The following IDUA variants were observed in gnomAD, a reference collection of about 807,000 sequenced individuals.
The protein encoded by IDUA is iduronidase alpha-L-.
In IDUA, 65 loss-of-function variants were observed where a neutral mutation model predicts 68.9. That is an observed-to-expected ratio of 0.94 (90% CI 0.77 to 1.16). IDUA has a LOEUF of 1.16. Ranked by LOEUF, IDUA falls within the 50% of genes most tolerant of loss-of-function variation. The pLI is 0.00. For missense variants in IDUA, 1,046 were observed against 938.0 expected (o/e 1.12, Z -1.50); for synonymous variants, 529 against 433.6 (o/e 1.22, Z -2.73).
Position 987,259 on chromosome 4 carries a change from C to T in IDUA, c.158+17C>T. 2 of 1,514,066 alleles carry T rather than the reference C, an allele frequency of 1.3e-6. No homozygotes were observed. Among genetic ancestry groups the T allele is most frequent in the Non-Finnish European group, 1.8e-6 (2 of 1,137,912 alleles). 93.8% of individuals were successfully genotyped at this position (1,514,066 alleles called of 1,614,324 possible). A position where few individuals can be genotyped will look rare whatever the true frequency, so the allele number is the denominator to read the frequency against. On this transcript the variant is annotated intron_variant, in intron 1 of 13. Coordinates refer to ENST00000514224, the MANE Select transcript of IDUA (RefSeq NM_000203.5). ...AGGCTTCTGGTGAGCGCTCCGCGGC[C>T]TCCGGGACCCCCTGGCCGCACGGGG...
intron 2 of IDUA, chr4:990,249 G>A (rs370473210): frequency 1.3e-6 from 2 of 1,587,446 alleles, no homozygotes; most frequent in Non-Finnish European, 1.7e-6. Context: ...CGCCCAGCAG[G>A]TGTTTGAGCT....
rs1715120665 is a variant in IDUA, at chr4:1,002,090, G to C, written c.901G>C (p.Asp301His). ...ADTPIYNDEA[D>H]PLVGWSLPQP... ...CACCCCCATTTACAACGACGAGGCGGACCCGCTGGTGGGCTGGTCCCTGCC... is the reference window on the plus strand; with the variant it reads ...CACCCCCATTTACAACGACGAGGCGCACCCGCTGGTGGGCTGGTCCCTGCC... Residue 301 changes from aspartate to histidine, a missense_variant, in exon 7 of 14, where the codon GAC becomes CAC. Asp to His is a moderately conservative substitution (Grantham distance 81). Coordinates refer to ENST00000514224, the MANE Select transcript of IDUA (RefSeq NM_000203.5). 1 of 1,578,372 alleles carries C rather than the reference G, an allele frequency of 6.3e-7. No individual in the cohort carries two copies. Among genetic ancestry groups the C allele is most frequent in the Admixed American group, 1.9e-5 (1 of 53,914 alleles).
intron 1 of IDUA, 182 bp from the exon 2 acceptor site, chr4:987,627 C>T (rs564451958): frequency 8.2e-5 from 118 of 1,443,986 alleles, no homozygotes; most frequent in Middle Eastern, 2.5e-4. Context: ...CTGCTGCTGC[C>T]GTTCCCCATG....
At chr4:992,468 C>T (rs201742525) in intron 2 of IDUA, among the ~76,000 whole-genome samples, 6 of 152,224 alleles carry the variant, frequency 3.9e-5, no homozygotes, top group Non-Finnish European at 2.9e-5. Flanking sequence ...CTAGCCCATC[C>T]GCCTGGACTT....
intron 4 of IDUA, chr4:1,001,203 C>T (rs1356486649): frequency 4.9e-6 from 3 of 614,562 alleles, no homozygotes; most frequent in South Asian, 3.9e-5. Flanking sequence ...GGTGGGTGGG[C>T]GAAGGCCCTG....
At chr4:995,373 C>A (rs974974121) in intron 2 of IDUA, among the ~76,000 whole-genome samples, 1 of 152,024 alleles carries the variant, frequency 6.6e-6, no homozygotes, top group Non-Finnish European at 1.5e-5. Context: ...AAAAAAATTC[C>A]TTGGGAGCCT....
chr4:989,760 G>A lies in IDUA; in HGVS notation c.299+1811G>A, dbSNP rs771840183. 42 of 1,559,070 alleles carry A rather than the reference G, an allele frequency of 2.7e-5. No homozygotes were observed. The highest frequency in any genetic ancestry group is 1.2e-4 in the African/African-American group (9 of 73,718). ...TCTTGGCCAGGGCGGCGCTGGTGGC[G>A]AAGCAGTGGAGGAAGGCGGGTAGCA... On this transcript the variant is annotated intron_variant, in intron 2 of 13. Coordinates refer to ENST00000514224, the MANE Select transcript of IDUA (RefSeq NM_000203.5).
At chr4:1,001,230 G>GT (rs1715053584) in intron 4 of IDUA, 1 of 622,844 alleles carries the variant, frequency 1.6e-6, no homozygotes. Flanking sequence ...TGGGGTGGGG[G>GT]GTACTCCTGG....
At chr4:990,209 T>C in intron 2 of IDUA, 1 of 1,563,416 alleles carries the variant, frequency 6.4e-7, no homozygotes, top group Non-Finnish European at 8.7e-7. Flanking sequence ...AGGACCACCA[T>C]GCCGGGCCCC....
At chr4:990,995 C>G (rs1714252652) in intron 2 of IDUA, 1 of 956,094 alleles carries the variant, frequency 1.0e-6, no homozygotes, top group Admixed American at 3.1e-5. Context: ...CCAGCTCTGC[C>G]CAAGCCTTGC....
chr4:1,002,928 G>A lies in IDUA; in HGVS notation c.1386G>A (p.Gly462=), dbSNP rs2153022680. Residue 462 remains glycine, a synonymous_variant, in exon 9 of 14, where the codon GGG becomes GGA. Transcript: ENST00000514224. The part of the protein sequence containing the change: ...RSVAVTLRLR[G]VPPGPGLVYV... The stretch of plus-strand genomic sequence containing the variant: ...TCGCGGTGACCCTGCGGCTGCGCGG[G>A]GTGCCCCCCGGCCCGGGTAAGCCGG... 1 of 1,361,306 alleles carries A rather than the reference G, an allele frequency of 7.3e-7. No individual in the cohort carries two copies. The highest frequency in any genetic ancestry group is 9.4e-7 in the Non-Finnish European group (1 of 1,065,060). The allele number at this position is 1,361,306 out of a possible 1,614,324, so 84.3% of individuals were successfully genotyped here.
At chr4:990,509 CTCACACGG>C in intron 2 of IDUA, 1 of 759,370 alleles carries the variant, frequency 1.3e-6, no homozygotes, top group African/African-American at 1.8e-5. Flanking sequence ...AACCAGACTC[CTCACACGG>C]GCCTGAGTTC....
chr4:999,307 C>G (rs576100957), intron 2 of IDUA, among the ~76,000 whole-genome samples: 123 of 152,328 alleles, frequency 8.1e-4, no homozygotes, highest in Middle Eastern at 6.8e-3. Context: ...ATCCTCAAAG[C>G]AGTCACTTCC....
intron 2 of IDUA, among the ~76,000 whole-genome samples, chr4:995,732 GACACTCACCCCACCAA>G (rs2153020074): frequency 6.6e-6 from 1 of 152,326 alleles, no homozygotes; most frequent in Admixed American, 6.5e-5. Context: ...GGAGACCCTG[GACACTCACCCCACCAA>G]AGGTACCTCC....
chr4:1,001,755 C>A lies in IDUA; in HGVS notation c.666C>A (p.Gly222=), dbSNP rs200411359. 1 of 1,597,544 alleles carries A rather than the reference C, an allele frequency of 6.3e-7. No homozygotes were observed. ...ASPALRLGGP[G]DSFHTPPRSP... ...CCGCCCTGCGGCTGGGAGGCCCCGG[C>A]GACTCCTTCCACACCCCACCGCGAT... The change falls in exon 6 of 14, where the codon GGC becomes GGA. Residue 222 remains glycine (G), a synonymous_variant. Transcript: ENST00000514224.
chr4:1,000,766 A>G (rs1252410639), intron 3 of IDUA, 69 bp downstream of exon 3: 1 of 1,452,558 alleles, frequency 6.9e-7, no homozygotes, highest in East Asian at 2.3e-5. Context: ...TCCCTCACCC[A>G]GCCCCTCTGA....
At chr4:987,426 C>T (rs1026646433) in intron 1 of IDUA, among the ~76,000 whole-genome samples, 184 bp downstream of exon 1, 9 of 152,162 alleles carry the variant, frequency 5.9e-5, no homozygotes, top group African/African-American at 2.2e-4. Context: ...GGGGCGTGAG[C>T]CTGGGCCGCC....
intron 4 of IDUA, 100 bp from the exon 5 acceptor site, chr4:1,001,368 T>A: frequency 1.0e-6 from 1 of 995,942 alleles, no homozygotes; most frequent in Non-Finnish European, 1.6e-6. Context: ...ATGGGGTTCA[T>A]CTTGAGTCAG....
rs1468338796 is a variant in IDUA at position 1,002,913 on chromosome 4, C to A, written c.1371C>A (p.Thr457=). 10 of 1,377,182 alleles carry A rather than the reference C, an allele frequency of 7.3e-6. No homozygotes were observed. The highest frequency in any genetic ancestry group is 3.0e-5 in the African/African-American group (2 of 65,586). The allele number at this position is 1,377,182 out of a possible 1,614,324, so 85.3% of individuals were successfully genotyped here. A position where few individuals can be genotyped will look rare whatever the true frequency, so the allele number is the denominator to read the frequency against. ...RAHPNRSVAV[T]LRLRGVPPGP... Reference sequence around the variant, plus strand: ...ACCCCAACCGCAGCGTCGCGGTGACCCTGCGGCTGCGCGGGGTGCCCCCCG... The same window carrying A: ...ACCCCAACCGCAGCGTCGCGGTGACACTGCGGCTGCGCGGGGTGCCCCCCG... The change falls in exon 9 of 14, where the codon ACC becomes ACA. Residue 457 remains threonine (T), a synonymous_variant. Coordinates refer to ENST00000514224, the MANE Select transcript of IDUA (RefSeq NM_000203.5).
Sources: gnomAD v4.1 joint callset for allele counts (sites outside exome capture counted in the v4.1 genomes callset) on GRCh38, gnomAD v4.1.1 for gene constraint, MANE v1.5 for transcripts, NCBI Gene and HGNC (gene_info 2026-07-23, HGNC 2026-07-21) for gene names.